Variants in PLXNB2 observed in about 807,000 individuals in gnomAD.
The protein encoded by PLXNB2 is plexin-B2.
Under a neutral mutation model 202.6 loss-of-function variants are expected in PLXNB2, and 85 were observed. The observed-to-expected ratio is 0.42, with a 90% CI of 0.35 to 0.50. The LOEUF is 0.50. Among genes scored for constraint, PLXNB2 ranks in the 20% least tolerant of loss-of-function variants. The probability of loss-of-function intolerance (pLI) is 0.02; values close to 1 mark genes in which losing one functional copy is unlikely to be tolerated. For synonymous variants in PLXNB2, 1,239 were observed against 1,137.6 expected (o/e 1.09, Z -1.79); for missense variants, 2,063 against 2,586.2 (o/e 0.80, Z 4.39).
intron 1 of PLXNB2, chr22:50,300,131 G>T: frequency 2.7e-6 from 1 of 376,148 alleles, no homozygotes; most frequent in Non-Finnish European, 3.7e-6. Context: ...CGCACCTGGA[G>T]GGAGCACGTG....
chr22:50,282,590 G>A (rs2066082735), intron 18 of PLXNB2, 121 bp downstream of exon 18: 11 of 746,154 alleles, frequency 1.5e-5, no homozygotes, highest in Non-Finnish European at 2.1e-5. Flanking sequence ...GGGTTTTCCG[G>A]AGGCCGCCTC....
intron 1 of PLXNB2, among the ~76,000 whole-genome samples, chr22:50,295,927 C>A (rs371290419): frequency 1.1e-4 from 17 of 152,032 alleles, no homozygotes; most frequent in African/African-American, 4.1e-4. Context: ...CATGGTGAAA[C>A]CCCATCTCTA....
intron 2 of PLXNB2, among the ~76,000 whole-genome samples, chr22:50,292,178 A>G (rs574024981): frequency 7.7e-4 from 117 of 152,048 alleles, no homozygotes; most frequent in African/African-American, 2.0e-3. Flanking sequence ...TCTACTAAAA[A>G]CACAAAAAAA....
chr22:50,283,802 G>A (rs1351939403), intron 14 of PLXNB2, 31 bp downstream of exon 14: 5 of 1,612,412 alleles, frequency 3.1e-6, no homozygotes, highest in Non-Finnish European at 2.5e-6. Flanking sequence ...AGGGACGAGG[G>A]AAGGTGTAGG....
At position 50,299,097 on chromosome 22, in the gene PLXNB2, G is replaced by C. The variant is rs1490790674; in HGVS notation, c.-73-4319C>G. On this transcript the variant is annotated intron_variant, in intron 1 of 36. Coordinates refer to ENST00000359337, the MANE Select transcript of PLXNB2 (RefSeq NM_012401.4). ...AGGGCAGGGGCCAGAGGAGGTGCAT[G>C]GGCAGCGGCCCGGCAGGGGCCAAGA... 2.6e-5 allele frequency among the ~76,000 whole-genome samples: 4 copies of C among 152,248 alleles called. No homozygotes were observed. In the South Asian group the frequency reaches 6.2e-4, roughly 24 times the overall value.
rs2147661829 is a variant in PLXNB2, at chr22:50,297,942, A to G, written c.-73-3164T>C. On this transcript the variant is annotated intron_variant, in intron 1 of 36. Transcript: ENST00000359337. The surrounding 1 kb of genome is among the most constrained non-coding windows in gnomAD (Gnocchi z 5.3). ...GCTGCCTCACGACATTCCCACGTCCATGTTCACTGTGCTCCCTGGAAAGCC... is the reference window on the plus strand; with the variant it reads ...GCTGCCTCACGACATTCCCACGTCCGTGTTCACTGTGCTCCCTGGAAAGCC... Among the ~76,000 whole-genome samples, 1 of 152,214 alleles carries G rather than the reference A, an allele frequency of 6.6e-6. No individual in the cohort carries two copies. The highest frequency in any genetic ancestry group is 3.4e-3 in the Middle Eastern group (1 of 294).
At chr22:50,295,674 A>G (rs566087787) in intron 1 of PLXNB2, among the ~76,000 whole-genome samples, 5 of 152,272 alleles carry the variant, frequency 3.3e-5, no homozygotes, top group African/African-American at 1.2e-4. Flanking sequence ...CCAGCATCCC[A>G]CCAGAGGATA....
At position 50,285,941 on chromosome 22, in the gene PLXNB2, C is replaced by T. The variant is rs543359684; in HGVS notation, c.1987-40G>A. On this transcript the variant is annotated intron_variant, in intron 10 of 36. Transcript: ENST00000359337. The stretch of plus-strand genomic sequence containing the variant: ...CTGGTCAGGTGCTGCCTGGGCACAG[C>T]GGAGCAGCCATGCCCTGAACAGTCC... 76 of 1,606,174 alleles carry T rather than the reference C, an allele frequency of 4.7e-5. 1 individual carries two copies. In the South Asian group the frequency reaches 5.5e-4, roughly 12 times the overall value.
Position 50,284,552 on chromosome 22 carries a change from C to A in PLXNB2, c.2181+21G>T, listed in dbSNP as rs771215650. 6.3e-7 allele frequency: 1 copy of A among 1,592,200 alleles called. No homozygotes were observed. Among genetic ancestry groups the A allele is most frequent in the Non-Finnish European group, 8.6e-7 (1 of 1,163,072 alleles). On this transcript the variant is annotated intron_variant, in intron 12 of 36. Coordinates refer to ENST00000359337, the MANE Select transcript of PLXNB2 (RefSeq NM_012401.4). The surrounding 1 kb of genome is among the most constrained non-coding windows in gnomAD (Gnocchi z 8.0). ...GGGCCCTGGGGTCCAGCAGCCGAGCCGGCCTGCCCTGGAGCCGTACCTTTG... is the reference window on the plus strand; with the variant it reads ...GGGCCCTGGGGTCCAGCAGCCGAGCAGGCCTGCCCTGGAGCCGTACCTTTG...
intron 1 of PLXNB2, among the ~76,000 whole-genome samples, chr22:50,296,209 C>T (rs1466974351): frequency 6.7e-6 from 1 of 149,104 alleles, no homozygotes; most frequent in African/African-American, 2.6e-5. Flanking sequence ...CACACACACA[C>T]ACACACACAC....
intron 33 of PLXNB2, 63 bp from the exon 34 acceptor site, chr22:50,276,969 C>G: frequency 8.1e-7 from 1 of 1,242,206 alleles, no homozygotes; most frequent in Non-Finnish European, 1.2e-6. Context: ...GCTCAGAGTA[C>G]CCCTGGGTAG....
intron 1 of PLXNB2, among the ~76,000 whole-genome samples, chr22:50,302,286 G>A (rs1601780830): frequency 6.6e-6 from 1 of 152,250 alleles, no homozygotes; most frequent in African/African-American, 2.4e-5. Context: ...GGCTTTGGGA[G>A]GCCAGAGGGA....
intron 2 of PLXNB2, among the ~76,000 whole-genome samples, chr22:50,294,466 ACCTGAGCAAAAGCTTGG>A (rs1235495545): frequency 3.3e-5 from 5 of 149,960 alleles, no homozygotes; most frequent in Non-Finnish European, 3.0e-5. Flanking sequence ...AGACCACTCC[ACCTGAGCAAAAGCTTGG>A]CCTGAGCAAC....
rs1400432791 is a variant in PLXNB2 at position 50,291,194 on chromosome 22, C to T, written c.-13-597G>A. Among the ~76,000 whole-genome samples, 1 of 152,172 alleles carries T rather than the reference C, an allele frequency of 6.6e-6. No homozygotes were observed. The highest frequency in any genetic ancestry group is 1.5e-5 in the Non-Finnish European group (1 of 68,022). ...CCCCAGGCGGCCTGAGCCTCCCTGA[C>T]CACCTCCAGGCCCCCTGCCCTGGTG... is the stretch of plus-strand genomic sequence containing the variant. On this transcript the variant is annotated intron_variant, in intron 2 of 36. Transcript: ENST00000359337. This position sits in a 1 kb window ranked among gnomAD's most constrained non-coding sequence, Gnocchi z 4.3.
In PLXNB2 at chr22:50,291,727, C is replaced by T. The variant is rs890496358; in HGVS notation, c.-13-1130G>A. On this transcript the variant is annotated intron_variant, in intron 2 of 36. Coordinates refer to ENST00000359337, the MANE Select transcript of PLXNB2 (RefSeq NM_012401.4). The surrounding 1 kb of genome is among the most constrained non-coding windows in gnomAD (Gnocchi z 4.3). ...GCTCCATCCTGGCCAGTGATCCCTA[C>T]ATCAGCCTCCCCTGCCAGTGCCCCC... Among the ~76,000 whole-genome samples the T allele has an allele frequency of 6.6e-6, 1 of 152,154 alleles. No individual in the cohort carries two copies. The highest frequency in any genetic ancestry group is 1.5e-5 in the Non-Finnish European group (1 of 68,004).
intron 14 of PLXNB2, 24 bp downstream of exon 14, chr22:50,283,809 T>C: frequency 6.2e-7 from 1 of 1,611,352 alleles, no homozygotes; most frequent in South Asian, 1.1e-5. Context: ...AGGGAAGGTG[T>C]AGGCCAGGCT....
At position 50,281,578 on chromosome 22, in the gene PLXNB2, C is replaced by A; in HGVS notation, c.3510G>T (p.Leu1170=). Residue 1170 remains leucine (L), a synonymous_variant, in exon 21 of 37, where the codon CTG becomes CTT. Coordinates refer to ENST00000359337, the MANE Select transcript of PLXNB2 (RefSeq NM_012401.4). ...RRQKRDTTHN[L]PEFIVKFGSR... is the part of the protein sequence containing the mutation. ...CCCGCTCACGCACAATGAACTCGGGCAGGTTGTGTGTGGTGTCTCGTTTCT... is the reference window on the plus strand; with the variant it reads ...CCCGCTCACGCACAATGAACTCGGGAAGGTTGTGTGTGGTGTCTCGTTTCT... 2.5e-6 allele frequency: 4 copies of A among 1,610,996 alleles called. No individual in the cohort carries two copies. Among genetic ancestry groups the A allele is most frequent in the Non-Finnish European group, 3.4e-6 (4 of 1,178,796 alleles).
rs2066891378 is a variant in PLXNB2, at chr22:50,291,840, C to A, written c.-13-1243G>T. 6.6e-6 allele frequency among the ~76,000 whole-genome samples: 1 copy of A among 152,172 alleles called. No homozygotes were observed. Among genetic ancestry groups the A allele is most frequent in the African/African-American group, 2.4e-5 (1 of 41,446 alleles). ...ACGGGGGGCTCCCAGGTGTCCAGGG[C>A]AGCCCTGCCATGGCAGGTGCCAAGG... On this transcript the variant is annotated intron_variant, in intron 2 of 36. Transcript: ENST00000359337. This position sits in a 1 kb window ranked among gnomAD's most constrained non-coding sequence, Gnocchi z 4.3.
chr22:50,288,965 G>A lies in PLXNB2; in HGVS notation c.1246C>T (p.Leu416Phe), dbSNP rs2066670990. The A allele has an allele frequency of 1.2e-6, 2 of 1,608,390 alleles. No individual in the cohort carries two copies. Among genetic ancestry groups the A allele is most frequent in the East Asian group, 4.5e-5 (2 of 44,696 alleles). Reference sequence around the variant, plus strand: ...CGCCCCAGCCTGGGCCAAACCTTGAGGATCCGGCCATCAGAGGTGCCCAGA... The same window carrying A: ...CGCCCCAGCCTGGGCCAAACCTTGAAGATCCGGCCATCAGAGGTGCCCAGA... ...AFLGTSDGRI[L>F]KVYLTPDGTS... is the part of the protein sequence containing the mutation. Residue 416 changes from leucine (L) to phenylalanine (F), a missense_variant, in exon 4 of 37, where the codon CTC (leucine) becomes TTC (phenylalanine). By Grantham distance (22) the Leu-to-Phe change is conservative. Around this residue, in one of 2 missense-constraint regions of PLXNB2, gnomAD observed 1,303 missense variants for 1,476.8 expected, o/e 0.88. Transcript: ENST00000359337. The surrounding 1 kb of genome is among the most constrained non-coding windows in gnomAD (Gnocchi z 5.0).
Sources: gnomAD v4.1 joint callset for allele counts (sites outside exome capture counted in the v4.1 genomes callset) on GRCh38, gnomAD v4.1.1 for gene constraint, gnomAD v4.1.1 regional missense constraint, Gnocchi (gnomAD v3.1) non-coding constraint, MANE v1.5 for transcripts, NCBI Gene and HGNC (gene_info 2026-07-23, HGNC 2026-07-21) for gene names.